ZNF347: variants seen among roughly 807,000 people sequenced by gnomAD.
ZNF347 encodes the protein zinc finger protein 347, also known as CTD-2620I22.7.
ZNF347 carries 19 observed loss-of-function variants against 12.9 expected under a neutral mutation model. The observed-to-expected ratio is 1.47, with a 90% CI of 1.03 to 2.16. The LOEUF is 2.16. Ranked by LOEUF, ZNF347 falls within the 30% of genes most tolerant of loss-of-function variation. The pLI, the probability that ZNF347 is intolerant of heterozygous loss-of-function variation, is 0.00. For synonymous variants in ZNF347, 328 were observed against 340.6 expected, an observed-to-expected ratio of 0.96 and a Z score of 0.41; for missense variants, 1,005 against 990.6, an observed-to-expected ratio of 1.01 and a Z score of -0.19.
At chr19:53,156,327 C>T (rs751643664) in intron 1 of ZNF347, among the ~76,000 whole-genome samples, 3 of 151,258 alleles carry the variant, frequency 2.0e-5, no homozygotes, top group African/African-American at 4.9e-5. Context: ...CGCTTGAACT[C>T]GGGAGGCAGA....
At chr19:53,149,666 C>T (rs375963822) in intron 2 of ZNF347, 31 of 357,432 alleles carry the variant, frequency 8.7e-5, no homozygotes, top group South Asian at 6.5e-4. Flanking sequence ...GTTGGGACTT[C>T]GAGCCCCATC....
In ZNF347 at chr19:53,154,244, GGCTGAGGCAGAAAGATCA is replaced by G. The variant is rs2090517377; in HGVS notation, c.-46-469_-46-452del. On this transcript the variant is annotated intron_variant, in intron 1 of 4. Coordinates refer to ENST00000334197, the MANE Select transcript of ZNF347 (RefSeq NM_032584.3). Reference sequence around the variant, plus strand: ...ACACTATAATCCTAGCACTTTGGGAGGCTGAGGCAGAAAGATCAGTTGAGGCCAGGAGTTCAAGACCAG... The same window carrying G: ...ACACTATAATCCTAGCACTTTGGGAGGTTGAGGCCAGGAGTTCAAGACCAG... Among the ~76,000 whole-genome samples, 3 of 152,206 alleles carry G rather than the reference GGCTGAGGCAGAAAGATCA, an allele frequency of 2.0e-5. No homozygotes were observed. In the East Asian group the frequency reaches 5.8e-4, roughly 29 times the overall value.
intron 2 of ZNF347, among the ~76,000 whole-genome samples, chr19:53,153,496 T>TCTCACATCCAAGGGGTC (rs1189479728): frequency 6.6e-6 from 1 of 152,146 alleles, no homozygotes; most frequent in Non-Finnish European, 1.5e-5. Context: ...TCCATCCATG[T>TCTCACATCCAAGGGGTC]CTGGGTGTGA....
rs772384627 is a variant in ZNF347, at chr19:53,136,877, CAAA to C, written c.*3428_*3430del. On this transcript the variant is annotated 3_prime_UTR_variant, in exon 5 of 5. Coordinates refer to ENST00000334197, the MANE Select transcript of ZNF347 (RefSeq NM_032584.3). ...TGAAGAAAGCGGAGGTCTTCCCTAA[CAAA>C]GAAGTTAGAAATTTCTTTTGTTTTT... 6.6e-6 allele frequency: 1 copy of C among 152,144 alleles called. No homozygotes were observed. The highest frequency in any genetic ancestry group is 1.5e-5 in the Non-Finnish European group (1 of 68,028). The allele number at this position is 152,144 out of a possible 1,614,324, so 9.4% of individuals were successfully genotyped here.
Position 53,135,735 on chromosome 19 carries a change from A to C in ZNF347, c.*4573T>G, listed in dbSNP as rs1393655720. 1 of 152,224 alleles carries C rather than the reference A, an allele frequency of 6.6e-6. No individual in the cohort carries two copies. Among genetic ancestry groups the C allele is most frequent in the Non-Finnish European group, 1.5e-5 (1 of 68,050 alleles). 9.4% of individuals were successfully genotyped at this position (152,224 alleles called of 1,614,324 possible). A position where few individuals can be genotyped will look rare whatever the true frequency, so the allele number is the denominator to read the frequency against. On this transcript the variant is annotated 3_prime_UTR_variant, in exon 5 of 5. Coordinates refer to ENST00000334197, the MANE Select transcript of ZNF347 (RefSeq NM_032584.3). ...CACCTCTGAAATGAGAATATCATTA[A>C]TACTTATTTCAGGAGCTGATGATTC...
At position 53,140,757 on chromosome 19, in the gene ZNF347, TA is replaced by T; in HGVS notation, c.2070del (p.Phe690LeufsTer35). On this transcript the variant is annotated frameshift_variant, in exon 5 of 5. Coordinates refer to ENST00000334197, the MANE Select transcript of ZNF347 (RefSeq NM_032584.3). LOFTEE classifies it low-confidence loss of function (END_TRUNC). Reference sequence around the variant, plus strand: ...TGCCTTGCAAGCTTTGATGTTTGACTAAAGGCTTTGCCACATTCATTACACT... The same window carrying T: ...TGCCTTGCAAGCTTTGATGTTTGACTAAGGCTTTGCCACATTCATTACACT... ...PYQCNECGKA[F>X]SQTSKLARHQ... The T allele has an allele frequency of 6.2e-7, 1 of 1,612,674 alleles. No homozygotes were observed. Among genetic ancestry groups the T allele is most frequent in the Non-Finnish European group, 8.5e-7 (1 of 1,179,218 alleles).
rs1568632560 is a variant in ZNF347 at position 53,135,337 on chromosome 19, TATAGAG to T, written c.*4965_*4970del. 5 of 86,046 alleles carry T rather than the reference TATAGAG, an allele frequency of 5.8e-5. No homozygotes were observed. The highest frequency in any genetic ancestry group is 1.1e-4 in the Non-Finnish European group (5 of 47,330). The allele number at this position is 86,046 out of a possible 1,614,324, so 5.3% of individuals were successfully genotyped here. ...ATATATATATATATATATATATATA[TATAGAG>T]AGAGAGAGAGAGAGAGAGAGAGAGA... On this transcript the variant is annotated 3_prime_UTR_variant, in exon 5 of 5. Coordinates refer to ENST00000334197, the MANE Select transcript of ZNF347 (RefSeq NM_032584.3).
chr19:53,157,179 T>C (rs1045357113), intron 1 of ZNF347, among the ~76,000 whole-genome samples: 2 of 152,214 alleles, frequency 1.3e-5, no homozygotes, highest in African/African-American at 2.4e-5. Flanking sequence ...AATTGTCAAA[T>C]GCACGTGTTA....
intron 4 of ZNF347, 39 bp from the exon 5 acceptor site, chr19:53,142,595 T>G: frequency 7.0e-7 from 1 of 1,435,266 alleles, no homozygotes; most frequent in Non-Finnish European, 9.2e-7. Context: ...CAATTAATTG[T>G]AGTACGTAAA....
chr19:53,156,960 A>G (rs2090539945), intron 1 of ZNF347, among the ~76,000 whole-genome samples: 1 of 152,184 alleles, frequency 6.6e-6, no homozygotes, highest in South Asian at 2.1e-4. Context: ...AGTGGAGGCG[A>G]GACACTGTGT....
rs2090381234 is a variant in ZNF347 at position 53,135,333 on chromosome 19, T to TAGAGAG, written c.*4974_*4975insCTCTCT. The TAGAGAG allele has an allele frequency of 1.5e-5, 1 of 68,500 alleles. No homozygotes were observed. The highest frequency in any genetic ancestry group is 6.6e-5 in the African/African-American group (1 of 15,094). 4.2% of individuals were successfully genotyped at this position (68,500 alleles called of 1,614,324 possible). A position where few individuals can be genotyped will look rare whatever the true frequency, so the allele number is the denominator to read the frequency against. ...ATATATATATATATATATATATATA[T>TAGAGAG]ATATATAGAGAGAGAGAGAGAGAGA... On this transcript the variant is annotated 3_prime_UTR_variant, in exon 5 of 5. Coordinates refer to ENST00000334197, the MANE Select transcript of ZNF347 (RefSeq NM_032584.3).
In ZNF347 at chr19:53,156,016, ACCAGGGGACTC is replaced by A. The variant is rs551870380; in HGVS notation, c.-46-2234_-46-2224del. On this transcript the variant is annotated intron_variant, in intron 1 of 4. Transcript: ENST00000334197. ...TGTGTGTGTGGCTTTTCCCACAATGACCAGGGGACTCCCAGGGGACTCCCAGCTCGGGGGGG... is the reference window on the plus strand; with the variant it reads ...TGTGTGTGTGGCTTTTCCCACAATGACCAGGGGACTCCCAGCTCGGGGGGG... Among the ~76,000 whole-genome samples, 203 of 116,394 alleles carry A rather than the reference ACCAGGGGACTC, an allele frequency of 1.7e-3. 3 individuals are homozygous for A. The East Asian group carries it at 0.019, about 11-fold the overall frequency. The allele number at this position is 116,394 out of a possible 152,430, so 76.4% of individuals were successfully genotyped here. A position where few individuals can be genotyped will look rare whatever the true frequency, so the allele number is the denominator to read the frequency against.
chr19:53,142,305 C>T lies in ZNF347; in HGVS notation c.523G>A (p.Ala175Thr). The T allele has an allele frequency of 6.2e-7, 1 of 1,614,014 alleles. No homozygotes were observed. Among genetic ancestry groups the T allele is most frequent in the Non-Finnish European group, 8.5e-7 (1 of 1,179,970 alleles). The change falls in exon 5 of 5, where the codon GCA becomes ACA. Residue 175 changes from alanine (A) to threonine (T), a missense_variant. By Grantham distance (58) the Ala-to-Thr change is moderately conservative (BLOSUM62 0). Coordinates refer to ENST00000334197, the MANE Select transcript of ZNF347 (RefSeq NM_032584.3). ...TGATTTTTAATAAGCTTGTTTCTTG[C>T]ATCTCTTTTATCATGTTCATCTCTT... The part of the protein sequence containing the change: ...HGRDEHDKRD[A>T]RNKLIKNQLG...
Position 53,138,434 on chromosome 19 carries a change from T to G in ZNF347, c.*1874A>C, listed in dbSNP as rs1417026131. On this transcript the variant is annotated 3_prime_UTR_variant, in exon 5 of 5. Transcript: ENST00000334197. ...ACCCAGCCCATACACTTTCTATATT[T>G]GTATTTTCACTTCATGTAAATAAAG... The G allele has an allele frequency of 6.6e-6, 1 of 152,190 alleles. No individual in the cohort carries two copies. The highest frequency in any genetic ancestry group is 1.5e-5 in the Non-Finnish European group (1 of 68,030). The allele number at this position is 152,190 out of a possible 1,614,324, so 9.4% of individuals were successfully genotyped here. A position where few individuals can be genotyped will look rare whatever the true frequency, so the allele number is the denominator to read the frequency against.
intron 2 of ZNF347, among the ~76,000 whole-genome samples, chr19:53,151,371 T>C (rs542876167): frequency 1.3e-5 from 2 of 151,358 alleles, no homozygotes; most frequent in Non-Finnish European, 2.9e-5. Context: ...CCGTCTCTAC[T>C]AAAAAAATAC....
intron 4 of ZNF347, 59 bp downstream of exon 4, chr19:53,148,622 T>C (rs553630702): frequency 7.1e-5 from 110 of 1,542,520 alleles, no homozygotes; most frequent in African/African-American, 6.1e-4. Context: ...CAGATTTGCA[T>C]AGAGTTTCCC....
In ZNF347 at chr19:53,141,889, G is replaced by A. The variant is rs147340759; in HGVS notation, c.939C>T (p.Gly313=). ...ACTCATTACATTTGTAACGTTTTTC[G>A]CCAGTATGGATCACCTGATGGGTAG... ...NLTTHQVIHT[G]EKRYKCNECG... The change falls in exon 5 of 5, where the codon GGC becomes GGT. Residue 313 remains glycine, a synonymous_variant. Transcript: ENST00000334197. The A allele has an allele frequency of 1.4e-5, 23 of 1,612,672 alleles. No individual in the cohort carries two copies. Among genetic ancestry groups the A allele is most frequent in the African/African-American group, 9.4e-5 (7 of 74,660 alleles).
intron 4 of ZNF347, among the ~76,000 whole-genome samples, chr19:53,144,797 C>T (rs1450066443): frequency 6.6e-6 from 1 of 152,076 alleles, no homozygotes; most frequent in Non-Finnish European, 1.5e-5. Context: ...CATGCCCTAA[C>T]AGACGTTTAC....
intron 1 of ZNF347, among the ~76,000 whole-genome samples, chr19:53,156,612 C>A (rs1482658650): frequency 1.3e-5 from 2 of 152,144 alleles, no homozygotes. Context: ...TCTGTATCTT[C>A]TGTAATATCC....
Sources: allele counts gnomAD v4.1 joint callset (sites outside exome capture counted in the v4.1 genomes callset), GRCh38; gene constraint gnomAD v4.1.1; transcripts MANE v1.5; gene names NCBI Gene and HGNC (gene_info 2026-07-23, HGNC 2026-07-21).